The following ANO1 variants were observed in gnomAD, a reference collection of about 807,000 sequenced individuals.
The protein encoded by ANO1 is anoctamin-1.
Under a neutral mutation model 124.0 loss-of-function variants are expected in ANO1, and 59 were observed. The ratio of observed to expected loss-of-function variants is 0.48; its 90% CI spans 0.39 to 0.59. The LOEUF (loss-of-function observed/expected upper bound fraction) is 0.59, where lower values mean the gene tolerates loss of function less well. Ranked by LOEUF, ANO1 falls within the 20% of genes least tolerant of loss-of-function variation. The pLI is 0.00. For missense variants in ANO1, 1,059 were observed against 1,328.0 expected (o/e 0.80, Z 3.15); for synonymous variants, 529 against 532.0 (o/e 0.99, Z 0.08).
In ANO1 at chr11:70,006,656, CTTCTTTCTTTTTTTTT is replaced by C. The variant is rs1856494192; in HGVS notation, c.58+20493_58+20508del. 5.2e-5 allele frequency among the ~76,000 whole-genome samples: 4 copies of C among 76,754 alleles called. No homozygotes were observed. In the South Asian group the frequency reaches 2.5e-3, roughly 47 times the overall value. The allele number at this position is 76,754 out of a possible 152,430, so 50.4% of individuals were successfully genotyped here. A position where few individuals can be genotyped will look rare whatever the true frequency, so the allele number is the denominator to read the frequency against. On this transcript the variant is annotated intron_variant, in intron 1 of 27. Coordinates refer to the ANO1 transcript ENST00000531349. ...TCTTTTCTTTCTTCTTTCTTTCTTT[CTTCTTTCTTTTTTTTT>C]TTTTTTTTTTTTTTTGAGATGGAGT... is the stretch of plus-strand genomic sequence containing the variant.
At chr11:70,141,330 C>A (rs2047146888) in intron 11 of ANO1, among the ~76,000 whole-genome samples, 1 of 152,200 alleles carries the variant, frequency 6.6e-6, no homozygotes, top group Admixed American at 6.5e-5. Context: ...TGCGGGCCAG[C>A]CCCTTCGTAG....
chr11:70,062,272 T>TC (rs1459305714), intron 1 of ANO1, among the ~76,000 whole-genome samples: 1 of 152,024 alleles, frequency 6.6e-6, no homozygotes, highest in Non-Finnish European at 1.5e-5. Context: ...GATGGGGGTT[T>TC]CGCTATGTTG....
At chr11:70,156,764 C>G (rs911136824) in intron 15 of ANO1, among the ~76,000 whole-genome samples, 183 bp from the exon 16 acceptor site, 7 of 152,208 alleles carry the variant, frequency 4.6e-5, no homozygotes, top group Non-Finnish European at 7.3e-5. Flanking sequence ...CGAAATGCTT[C>G]TTGGAACCCT....
intron 1 of ANO1, among the ~76,000 whole-genome samples, chr11:70,080,433 A>G (rs1389368211): frequency 6.6e-6 from 1 of 152,242 alleles, no homozygotes; most frequent in Non-Finnish European, 1.5e-5. Flanking sequence ...TCAAAGTCCC[A>G]AAGGTGGGAC....
chr11:70,184,130 C>T (rs1486927358), intron 24 of ANO1, among the ~76,000 whole-genome samples: 2 of 152,338 alleles, frequency 1.3e-5, no homozygotes, highest in South Asian at 2.1e-4. Context: ...CCCTGGAAAT[C>T]CTGCCCCTCA....
intron 7 of ANO1, 75 bp downstream of exon 7, chr11:70,111,837 G>A: frequency 7.0e-7 from 1 of 1,425,200 alleles, no homozygotes; most frequent in Non-Finnish European, 9.9e-7. Flanking sequence ...ACCCCCCCGG[G>A]AGCTGCAATT....
At chr11:70,168,469 C>T (rs771022892) in intron 21 of ANO1, among the ~76,000 whole-genome samples, 4 of 152,088 alleles carry the variant, frequency 2.6e-5, no homozygotes, top group East Asian at 1.9e-4. Flanking sequence ...AGCCTCACCC[C>T]GTCATCCCTC....
At chr11:69,979,697 C>T in the ANO1 span, among the ~76,000 whole-genome samples, 3 of 152,172 alleles carry the variant, frequency 2.0e-5, no homozygotes, top group African/African-American at 7.2e-5. Context: ...CCTTTTCCTC[C>T]AAATGCAGCA....
At chr11:69,992,121 T>A (rs1189289678) in intron 1 of ANO1, among the ~76,000 whole-genome samples, 3 of 152,074 alleles carry the variant, frequency 2.0e-5, no homozygotes, top group African/African-American at 7.2e-5. Context: ...CTGGTGAAAG[T>A]CAGGTGGATG....
At chr11:70,120,722 A>T (rs1241849057) in intron 8 of ANO1, among the ~76,000 whole-genome samples, 1 of 152,130 alleles carries the variant, frequency 6.6e-6, no homozygotes. Context: ...CCAATTAAAG[A>T]TTGCATCCAT....
intron 1 of ANO1, among the ~76,000 whole-genome samples, chr11:70,006,663 C>CTTTT (rs56851839): frequency 7.9e-5 from 7 of 88,994 alleles, no homozygotes; most frequent in Non-Finnish European, 1.3e-4. Flanking sequence ...TTTCTTCTTT[C>CTTTT]TTTTTTTTTT....
chr11:69,969,589 A>G, the ANO1 span, among the ~76,000 whole-genome samples: 2,181 of 152,238 alleles, frequency 0.014, 174 homozygotes, highest in East Asian at 0.22. Flanking sequence ...TCCTGCCAAG[A>G]GAAGTTGTGA....
chr11:70,011,035 GC>G (rs1484025316), intron 1 of ANO1, among the ~76,000 whole-genome samples: 3 of 152,240 alleles, frequency 2.0e-5, no homozygotes, highest in Admixed American at 6.5e-5. Context: ...CAAGGGATGT[GC>G]CCAGTGCCAT....
chr11:70,155,871 C>T (rs1260205813), intron 14 of ANO1, 40 bp from the exon 15 acceptor site: 3 of 1,508,148 alleles, frequency 2.0e-6, no homozygotes, highest in East Asian at 5.2e-5. Context: ...CCGCCTCCCA[C>T]TTCACCGCAC....
At chr11:70,078,799 C>A in intron 1 of ANO1, 85 bp downstream of exon 1, 1 of 869,780 alleles carries the variant, frequency 1.1e-6, no homozygotes. Flanking sequence ...GGCAGGGCCT[C>A]CTGGGACCCC....
chr11:70,051,236 G>A (rs1348497267), intron 1 of ANO1, among the ~76,000 whole-genome samples: 7 of 152,100 alleles, frequency 4.6e-5, no homozygotes, highest in Admixed American at 6.5e-5. Flanking sequence ...TTTGAATTCA[G>A]GTGGAAGCAA....
At chr11:70,170,050 C>A (rs1028038814) in intron 21 of ANO1, 6 of 414,624 alleles carry the variant, frequency 1.4e-5, no homozygotes, top group Non-Finnish European at 2.4e-5. Flanking sequence ...GGGATGATCC[C>A]CAGGGGGAGG....
At chr11:70,087,725 A>C in intron 1 of ANO1, 27 bp from the exon 2 acceptor site, 1 of 1,552,396 alleles carries the variant, frequency 6.4e-7, no homozygotes, top group South Asian at 1.3e-5. Flanking sequence ...CTCGATGGTG[A>C]ATGGGTGTCT....
intron 8 of ANO1, among the ~76,000 whole-genome samples, chr11:70,117,109 T>C (rs1184674776): frequency 4.1e-5 from 6 of 145,692 alleles, no homozygotes; most frequent in Admixed American, 2.0e-4. Context: ...TCTTTTTTTT[T>C]TTTTTTTTTT....
Sources: allele counts gnomAD v4.1 joint callset (sites outside exome capture counted in the v4.1 genomes callset), GRCh38; gene constraint gnomAD v4.1.1; transcripts MANE v1.5; gene names NCBI Gene and HGNC (gene_info 2026-07-23, HGNC 2026-07-21).